Variants in FANCI observed in about 807,000 individuals in gnomAD.
FANCI encodes FA complementation group I.
FANCI carries 156 observed loss-of-function variants against 176.1 expected under a neutral mutation model. The ratio of observed to expected loss-of-function variants is 0.89; its 90% CI spans 0.78 to 1.01. FANCI has a LOEUF of 1.01. Ranked by LOEUF, FANCI falls within the 50% of genes least tolerant of loss-of-function variation. The pLI, the probability that FANCI is intolerant of heterozygous loss-of-function variation, is 0.00. For synonymous variants in FANCI, 613 were observed against 541.7 expected, an observed-to-expected ratio of 1.13 and a Z score of -1.83; for missense variants, 1,678 against 1,534.1, an observed-to-expected ratio of 1.09 and a Z score of -1.57.
At chr15:89,262,000 C>T (rs879763864) in intron 6 of FANCI, 122 bp downstream of exon 6, 4 of 796,414 alleles carry the variant, frequency 5.0e-6, no homozygotes, top group Non-Finnish European at 8.5e-6. Flanking sequence ...TTTAATATAA[C>T]ACTATAAAAC....
chr15:89,294,282 C>A (rs2054171910), intron 23 of FANCI, among the ~76,000 whole-genome samples: 1 of 152,014 alleles, frequency 6.6e-6, no homozygotes, highest in Admixed American at 6.6e-5. Context: ...TACAAGATAA[C>A]AGATATAAAA....
At chr15:89,300,020 A>T (rs2054468576) in intron 25 of FANCI, 54 bp downstream of exon 25, 10 of 1,586,906 alleles carry the variant, frequency 6.3e-6, no homozygotes, top group Non-Finnish European at 6.9e-6. Flanking sequence ...CCTTAGCTCA[A>T]CCCCTTAATT....
chr15:89,301,218 T>G (rs2054514139), intron 26 of FANCI, 108 bp from the exon 27 acceptor site: 8 of 809,234 alleles, frequency 9.9e-6, no homozygotes, highest in Non-Finnish European at 1.8e-5. Flanking sequence ...TTTTGGTAGC[T>G]TTGAATTCTT....
chr15:89,314,135 G>A (rs2055098680), intron 35 of FANCI, among the ~76,000 whole-genome samples: 3 of 49,222 alleles, frequency 6.1e-5, no homozygotes, highest in Admixed American at 3.4e-4. Flanking sequence ...ACACAAAAAC[G>A]TAGGACCACA....
At chr15:89,306,694 A>G (rs1228232927) in intron 32 of FANCI, among the ~76,000 whole-genome samples, 1 of 152,086 alleles carries the variant, frequency 6.6e-6, no homozygotes, top group Non-Finnish European at 1.5e-5. Flanking sequence ...TCCATCTCAA[A>G]AATTAAAAAA....
At chr15:89,266,839 T>C (rs2052982780) in intron 9 of FANCI, among the ~76,000 whole-genome samples, 1 of 152,008 alleles carries the variant, frequency 6.6e-6, no homozygotes, top group Non-Finnish European at 1.5e-5. Flanking sequence ...AGAAAATAAT[T>C]AGCTCACTTT....
chr15:89,311,228 C>T (rs976467409), intron 34 of FANCI, among the ~76,000 whole-genome samples: 2 of 151,750 alleles, frequency 1.3e-5, no homozygotes, highest in Admixed American at 6.6e-5. Context: ...CACTGCACTC[C>T]AGCCTGGGCA....
rs1005300596 is a variant in FANCI, at chr15:89,270,883, A to C, written c.882+2358A>C. On this transcript the variant is annotated intron_variant, in intron 10 of 37. Coordinates refer to ENST00000310775, the MANE Select transcript of FANCI (RefSeq NM_001113378.2). Reference sequence around the variant, plus strand: ...CCATCCTGATGCTAGCCATGTCTCTAAAAAGCCCTGGGTCCCTTCTGTAGG... The same window carrying C: ...CCATCCTGATGCTAGCCATGTCTCTCAAAAGCCCTGGGTCCCTTCTGTAGG... 2.0e-5 allele frequency among the ~76,000 whole-genome samples: 3 copies of C among 152,138 alleles called. No individual in the cohort carries two copies. In the East Asian group the frequency reaches 5.8e-4, roughly 29 times the overall value.
At position 89,316,784 on chromosome 15, in the gene FANCI, G is replaced by A. The variant is rs1483948890; in HGVS notation, c.*325G>A. On this transcript the variant is annotated 3_prime_UTR_variant, in exon 38 of 38. Transcript: ENST00000310775. ...CAGGCTGGCTTCGTTTTTCCAAGGAGCCTTTGGTGAGTTCAATTATCTGGT... is the reference window on the plus strand; with the variant it reads ...CAGGCTGGCTTCGTTTTTCCAAGGAACCTTTGGTGAGTTCAATTATCTGGT... 6.2e-7 allele frequency: 1 copy of A among 1,613,872 alleles called. No individual in the cohort carries two copies. The highest frequency in any genetic ancestry group is 1.3e-5 in the African/African-American group (1 of 74,906).
chr15:89,311,706 C>G (rs1338653338), intron 34 of FANCI, among the ~76,000 whole-genome samples: 1 of 152,198 alleles, frequency 6.6e-6, no homozygotes, highest in Non-Finnish European at 1.5e-5. Context: ...CCTTATTTTC[C>G]AGAACGTGGC....
At chr15:89,298,445 A>G (rs1001116116) in intron 24 of FANCI, among the ~76,000 whole-genome samples, 5 of 152,248 alleles carry the variant, frequency 3.3e-5, no homozygotes, top group Non-Finnish European at 7.3e-5. Context: ...AATGGAAACA[A>G]ACAGACAACA....
chr15:89,314,476 T>C (rs2055119258), intron 35 of FANCI, 136 bp from the exon 36 acceptor site: 4 of 616,064 alleles, frequency 6.5e-6, no homozygotes, highest in Non-Finnish European at 8.3e-6. Flanking sequence ...TTTAGATTAC[T>C]GGTATACAAC....
chr15:89,273,441 T>G lies in FANCI; in HGVS notation c.947T>G (p.Val316Gly). ...TTCAGCATTGCTCTTCTTCTGTCTG[T>G]AACAAGAATACAAAGATTTCAGGAC... ...SPFSIALLLS[V>G]TRIQRFQDQV... is the part of the protein sequence containing the mutation. Residue 316 changes from valine to glycine, a missense_variant, in exon 11 of 38, where the codon GTA becomes GGA. By Grantham distance (109) the Val-to-Gly change is moderately radical. Transcript: ENST00000310775. The G allele has an allele frequency of 6.2e-7, 1 of 1,603,328 alleles. No individual in the cohort carries two copies. The highest frequency in any genetic ancestry group is 8.5e-7 in the Non-Finnish European group (1 of 1,173,126).
At chr15:89,289,211 TTTA>T (rs776207075) in intron 18 of FANCI, among the ~76,000 whole-genome samples, 5 of 152,186 alleles carry the variant, frequency 3.3e-5, no homozygotes, top group Non-Finnish European at 5.9e-5. Context: ...AAAGTGTCTT[TTTA>T]TTATTATTAC....
At chr15:89,272,824 C>T (rs1196346300) in intron 10 of FANCI, among the ~76,000 whole-genome samples, 3 of 152,122 alleles carry the variant, frequency 2.0e-5, no homozygotes, top group East Asian at 3.9e-4. Flanking sequence ...TGTGTGCCAC[C>T]ACTCCCAGCT....
chr15:89,258,222 A>G (rs2052578270), intron 2 of FANCI, among the ~76,000 whole-genome samples: 1 of 152,096 alleles, frequency 6.6e-6, no homozygotes, highest in South Asian at 2.1e-4. Context: ...CTCTACTTAA[A>G]TGTCACCTAC....
Position 89,285,883 on chromosome 15 carries a change from C to G in FANCI, c.1821+665C>G, listed in dbSNP as rs185447892. Reference sequence around the variant, plus strand: ...CTCAGATACAGTTTAGCACAAAAATCTTTTAGATAGCTTCAGTTTTTTCTC... The same window carrying G: ...CTCAGATACAGTTTAGCACAAAAATGTTTTAGATAGCTTCAGTTTTTTCTC... On this transcript the variant is annotated intron_variant, in intron 18 of 37. Transcript: ENST00000310775. 2.4e-4 allele frequency among the ~76,000 whole-genome samples: 36 copies of G among 152,244 alleles called. No individual in the cohort carries two copies. The East Asian group carries it at 6.9e-3, about 29-fold the overall frequency.
chr15:89,300,351 C>T lies in FANCI; in HGVS notation c.2855C>T (p.Thr952Ile), dbSNP rs753326045. The change falls in exon 26 of 38, where the codon ACT becomes ATT. Residue 952 changes from threonine (T) to isoleucine (I), a missense_variant. By Grantham distance (89) the Thr-to-Ile change is moderately conservative (BLOSUM62 -1). Around this residue, in one of 3 missense-constraint regions of FANCI, gnomAD observed 1,204 missense variants for 1,077.4 expected, o/e 1.12. Transcript: ENST00000310775. ...EEREDADVSVTQRTAFQIRQF... is the reference protein window; with the variant it reads ...EEREDADVSVIQRTAFQIRQF... Reference sequence around the variant, plus strand: ...AGAGAAGATGCAGATGTCAGTGTCACTCAGAGAACAGCATTCCAGATCCGG... The same window carrying T: ...AGAGAAGATGCAGATGTCAGTGTCATTCAGAGAACAGCATTCCAGATCCGG... 3.1e-6 allele frequency: 5 copies of T among 1,614,038 alleles called. No individual in the cohort carries two copies. The Admixed American group carries it at 6.7e-5, about 22-fold the overall frequency.
At position 89,305,172 on chromosome 15, in the gene FANCI, A is replaced by G. The variant is rs138702591; in HGVS notation, c.3116A>G (p.Tyr1039Cys). 1.5e-5 allele frequency: 24 copies of G among 1,614,106 alleles called. No homozygotes were observed. Among genetic ancestry groups the G allele is most frequent in the South Asian group, 7.7e-5 (7 of 91,084 alleles). The change falls in exon 29 of 38, where the codon TAT becomes TGT. Residue 1039 changes from tyrosine to cysteine, a missense_variant. Around this residue, in one of 3 missense-constraint regions of FANCI, gnomAD observed 1,204 missense variants for 1,077.4 expected, o/e 1.12. Transcript: ENST00000310775. ...TTGCTCTTCAGCCTGCATGTTTCGT[A>G]TAAGAGTCCTGTCATTCTGCTGCGT... The part of the protein sequence containing the change: ...MNLLFSLHVS[Y>C]KSPVILLRDL...
Sources: allele counts gnomAD v4.1 joint callset (sites outside exome capture counted in the v4.1 genomes callset), GRCh38; gene constraint gnomAD v4.1.1; regional missense constraint gnomAD v4.1.1; transcripts MANE v1.5; gene names NCBI Gene and HGNC (gene_info 2026-07-23, HGNC 2026-07-21).